CEP63: variants seen among roughly 807,000 people sequenced by gnomAD.
CEP63 encodes centrosomal protein 63.
CEP63 carries 84 observed loss-of-function variants against 89.1 expected under a neutral mutation model. That is an observed-to-expected ratio of 0.94 (90% CI 0.79 to 1.13). The LOEUF (loss-of-function observed/expected upper bound fraction) is 1.13. Ranked by LOEUF, CEP63 falls within the 50% of genes most tolerant of loss-of-function variation. The probability of loss-of-function intolerance (pLI) is 0.00; values close to 1 mark genes in which losing one functional copy is unlikely to be tolerated. For missense variants in CEP63, 838 were observed against 813.3 expected (o/e 1.03, Z -0.37); for synonymous variants, 267 against 272.5 (o/e 0.98, Z 0.20).
At chr3:134,699,886 G>A in the CEP63 span, among the ~76,000 whole-genome samples, 28 of 152,332 alleles carry the variant, frequency 1.8e-4, no homozygotes, top group African/African-American at 6.3e-4. Context: ...TGAACCCCAT[G>A]CTTTGCCACT....
intron 6 of CEP63, among the ~76,000 whole-genome samples, chr3:134,545,292 G>A (rs1371065983): frequency 6.6e-6 from 1 of 151,748 alleles, no homozygotes; most frequent in South Asian, 2.1e-4. Flanking sequence ...CACTGCACCC[G>A]GCCAATTTTT....
At chr3:134,627,659 A>G in the CEP63 span, 4 of 1,090,706 alleles carry the variant, frequency 3.7e-6, no homozygotes, top group South Asian at 3.9e-5. Context: ...GCCTCTCAGC[A>G]TAGTGGCCCA....
intron 4 of CEP63, among the ~76,000 whole-genome samples, chr3:134,532,278 A>G (rs1392614966): frequency 6.6e-6 from 1 of 152,226 alleles, no homozygotes; most frequent in Non-Finnish European, 1.5e-5. Flanking sequence ...TAAATAATGG[A>G]GGATCCAAAG....
At chr3:134,581,399 G>T (rs1377990361) in intron 10 of CEP63, among the ~76,000 whole-genome samples, 1 of 152,050 alleles carries the variant, frequency 6.6e-6, no homozygotes, top group African/African-American at 2.4e-5. Context: ...GGCCAACATG[G>T]TGAAACCCTG....
chr3:134,655,444 G>A, the CEP63 span, among the ~76,000 whole-genome samples: 2 of 152,146 alleles, frequency 1.3e-5, no homozygotes, highest in East Asian at 3.8e-4. Flanking sequence ...CACCCTGATG[G>A]CACTTGTGAA....
chr3:134,519,429 C>T (rs569993592), intron 3 of CEP63, among the ~76,000 whole-genome samples: 42 of 152,244 alleles, frequency 2.8e-4, no homozygotes, highest in African/African-American at 7.7e-4. Flanking sequence ...CCACCACGCC[C>T]GGCTGAATTG....
Position 134,545,636 on chromosome 3 carries a change from C to T in CEP63, c.606C>T (p.Ser202=), listed in dbSNP as rs751345337. The change falls in exon 7 of 15, where the codon AGC becomes AGT. Residue 202 remains serine (S), a synonymous_variant. Coordinates refer to ENST00000675561, the MANE Select transcript of CEP63 (RefSeq NM_001353108.3). ...AATTAGAGTCTGTGGAACTTTCTAG[C>T]CAATCAGAAATTCAACACTTAAGCA... ...KQKLESVELS[S]QSEIQHLSSK... is the part of the protein sequence containing the mutation. The T allele has an allele frequency of 6.2e-7, 1 of 1,614,046 alleles. No individual in the cohort carries two copies. The highest frequency in any genetic ancestry group is 8.5e-7 in the Non-Finnish European group (1 of 1,180,004).
rs761067023 is a variant in CEP63, at chr3:134,507,213, T to A, written c.149T>A (p.Leu50Gln). ...KSEWEGRTHA[L>Q]ETCLKIREQE... The stretch of plus-strand genomic sequence containing the variant: ...GAATGGGAAGGACGTACACATGCTC[T>A]AGAAACTTGCTTGAAAATCCGTGAA... The change falls in exon 3 of 15, where the codon CTA (leucine) becomes CAA (glutamine). Residue 50 changes from leucine to glutamine, a missense_variant. Coordinates refer to ENST00000675561, the MANE Select transcript of CEP63 (RefSeq NM_001353108.3). 1.2e-6 allele frequency: 2 copies of A among 1,613,866 alleles called. No homozygotes were observed. Among genetic ancestry groups the A allele is most frequent in the Admixed American group, 1.7e-5 (1 of 60,020 alleles).
chr3:134,715,746 T>C, the CEP63 span, among the ~76,000 whole-genome samples: 10,986 of 152,086 alleles, frequency 0.072, 720 homozygotes, highest in African/African-American at 0.18. Context: ...AAGCTCACAA[T>C]TGATGCACTT....
chr3:134,657,862 T>C, the CEP63 span, among the ~76,000 whole-genome samples: 1 of 152,338 alleles, frequency 6.6e-6, no homozygotes, highest in Non-Finnish European at 1.5e-5. Flanking sequence ...TTTGCCATTA[T>C]GATAATTGAT....
chr3:134,545,854 T>C, intron 7 of CEP63, 35 bp downstream of exon 7: 1 of 1,440,944 alleles, frequency 6.9e-7, no homozygotes, highest in Non-Finnish European at 9.6e-7. Flanking sequence ...GGGGGAAGTG[T>C]GTGTATGAGT....
At chr3:134,627,712 C>T in the CEP63 span, 27 of 1,559,562 alleles carry the variant, frequency 1.7e-5, no homozygotes, top group African/African-American at 3.7e-4. Flanking sequence ...AGGCTAAACC[C>T]ATGTGCTCTC....
chr3:134,544,137 A>T (rs976933279), intron 6 of CEP63, among the ~76,000 whole-genome samples: 2 of 152,192 alleles, frequency 1.3e-5, no homozygotes, highest in Non-Finnish European at 2.9e-5. Flanking sequence ...GTAAATAATA[A>T]AATCTTTAAA....
chr3:134,780,096 T>G, the CEP63 span, among the ~76,000 whole-genome samples: 7 of 152,336 alleles, frequency 4.6e-5, no homozygotes, highest in Non-Finnish European at 1.0e-4. Context: ...TGTCTGACTT[T>G]ATTATGTTTA....
In CEP63 at chr3:134,561,897, T is replaced by C; in HGVS notation, c.*362T>C. 2 of 1,068,242 alleles carry C rather than the reference T, an allele frequency of 1.9e-6. No homozygotes were observed. Among genetic ancestry groups the C allele is most frequent in the Non-Finnish European group, 2.3e-6 (2 of 879,648 alleles). The allele number at this position is 1,068,242 out of a possible 1,614,324, so 66.2% of individuals were successfully genotyped here. On this transcript the variant is annotated 3_prime_UTR_variant, in exon 15 of 15. Coordinates refer to ENST00000675561, the MANE Select transcript of CEP63 (RefSeq NM_001353108.3). Reference sequence around the variant, plus strand: ...TTGAAAATAAAGTAACTGCAGGAACTTTCTTTAGGGGAAATGTGTAGAAGC... The same window carrying C: ...TTGAAAATAAAGTAACTGCAGGAACCTTCTTTAGGGGAAATGTGTAGAAGC...
intron 11 of CEP63, among the ~76,000 whole-genome samples, chr3:134,571,719 C>T (rs1958018907): frequency 6.6e-6 from 1 of 152,000 alleles, no homozygotes; most frequent in South Asian, 2.1e-4. Flanking sequence ...ACAAAAGATA[C>T]AAAGCATTAA....
chr3:134,739,865 A>G, the CEP63 span, among the ~76,000 whole-genome samples: 391 of 152,314 alleles, frequency 2.6e-3, no homozygotes, highest in Non-Finnish European at 4.0e-3. Flanking sequence ...TGGGTTGTGA[A>G]GTGTTTTTCA....
chr3:134,594,473 C>A, the CEP63 span, among the ~76,000 whole-genome samples: 1 of 152,134 alleles, frequency 6.6e-6, no homozygotes, highest in Admixed American at 6.5e-5. Flanking sequence ...GGCACATGCT[C>A]AGGGCGGGCG....
At chr3:134,528,586 G>GTGTGTGTGTGTGTGTGTT (rs1181059798) in intron 3 of CEP63, among the ~76,000 whole-genome samples, 1 of 151,840 alleles carries the variant, frequency 6.6e-6, no homozygotes, top group Non-Finnish European at 1.5e-5. Context: ...GTGTGTGTGT[G>GTGTGTGTGTGTGTGTGTT]TGTGTGTGGT....
Sources: allele counts gnomAD v4.1 joint callset (sites outside exome capture counted in the v4.1 genomes callset), GRCh38; gene constraint gnomAD v4.1.1; transcripts MANE v1.5; gene names NCBI Gene and HGNC (gene_info 2026-07-23, HGNC 2026-07-21).